The following CDH13 variants were observed in gnomAD, a reference collection of about 807,000 sequenced individuals.
CDH13 encodes the protein cadherin 13.
CDH13 carries 24 observed loss-of-function variants against 63.8 expected under a neutral mutation model. The observed-to-expected ratio is 0.38, with a 90% CI of 0.27 to 0.53. The LOEUF (loss-of-function observed/expected upper bound fraction) is 0.53, where lower values mean the gene tolerates loss of function less well. Among genes scored for constraint, CDH13 ranks in the 20% least tolerant of loss-of-function variants. The pLI is 0.85. For synonymous variants in CDH13, 503 were observed against 355.3 expected (o/e 1.42, Z -4.67); for missense variants, 1,049 against 903.1 (o/e 1.16, Z -2.07).
At chr16:82,751,293 C>A (rs890161727) in intron 1 of CDH13, among the ~76,000 whole-genome samples, 2 of 152,144 alleles carry the variant, frequency 1.3e-5, no homozygotes, top group Non-Finnish European at 2.9e-5. Context: ...GTCATCACTA[C>A]CCTGAAATTC....
At chr16:83,239,269 A>G (rs993804039) in intron 5 of CDH13, among the ~76,000 whole-genome samples, 3 of 152,200 alleles carry the variant, frequency 2.0e-5, no homozygotes, top group African/African-American at 7.2e-5. Flanking sequence ...AGTTGGAAAT[A>G]AAAAAGATGA....
intron 2 of CDH13, among the ~76,000 whole-genome samples, chr16:83,018,201 G>A (rs536760270): frequency 6.6e-6 from 1 of 152,232 alleles, no homozygotes; most frequent in East Asian, 1.9e-4. Flanking sequence ...TAAAATGGTT[G>A]AAATATCGGA....
At chr16:83,434,773 G>T (rs2072234689) in intron 6 of CDH13, among the ~76,000 whole-genome samples, 1 of 150,592 alleles carries the variant, frequency 6.6e-6, no homozygotes, top group South Asian at 2.1e-4. Flanking sequence ...CCAAGGATAT[G>T]CCCCAATTTC....
intron 1 of CDH13, among the ~76,000 whole-genome samples, chr16:82,699,324 G>C (rs996259124): frequency 6.6e-6 from 1 of 152,146 alleles, no homozygotes; most frequent in African/African-American, 2.4e-5. Context: ...AAGCTTCCAG[G>C]AGGACCACCG....
chr16:82,666,633 C>A (rs531965021), intron 1 of CDH13, among the ~76,000 whole-genome samples: 1 of 152,162 alleles, frequency 6.6e-6, no homozygotes, highest in African/African-American at 2.4e-5. Flanking sequence ...ATAACCTAGT[C>A]GTAGGTTAAC....
chr16:83,487,831 C>T (rs532197155), intron 7 of CDH13, among the ~76,000 whole-genome samples: 15 of 152,244 alleles, frequency 9.9e-5, no homozygotes, highest in African/African-American at 2.9e-4. Flanking sequence ...AGTGTTGTTT[C>T]CTCTGCTTTC....
chr16:83,137,926 C>T (rs770492852), intron 4 of CDH13, among the ~76,000 whole-genome samples: 5 of 151,410 alleles, frequency 3.3e-5, no homozygotes, highest in Non-Finnish European at 5.9e-5. Flanking sequence ...TTTTCTTTTC[C>T]GGCTTGGAGC....
At chr16:83,040,486 A>T (rs570150474) in intron 3 of CDH13, among the ~76,000 whole-genome samples, 1 of 152,292 alleles carries the variant, frequency 6.6e-6, no homozygotes, top group South Asian at 2.1e-4. Context: ...TGTAAGTCCA[A>T]CAGTCCAAAA....
At chr16:83,645,550 C>G (rs1429705482) in intron 8 of CDH13, among the ~76,000 whole-genome samples, 1 of 148,048 alleles carries the variant, frequency 6.8e-6, no homozygotes, top group Non-Finnish European at 1.5e-5. Flanking sequence ...CCCCCCCAAT[C>G]TAAAATAAAA....
At chr16:82,976,655 T>G (rs1597340784) in intron 2 of CDH13, among the ~76,000 whole-genome samples, 1 of 151,960 alleles carries the variant, frequency 6.6e-6, no homozygotes. Context: ...GTGCAAATGG[T>G]GGAGAATGTA....
intron 3 of CDH13, among the ~76,000 whole-genome samples, chr16:83,089,334 C>T (rs2033778905): frequency 6.6e-6 from 1 of 152,206 alleles, no homozygotes; most frequent in African/African-American, 2.4e-5. Flanking sequence ...TAATTGATGT[C>T]ATGGCCATAT....
chr16:82,782,875 T>C (rs929058423), intron 1 of CDH13, among the ~76,000 whole-genome samples: 1 of 152,124 alleles, frequency 6.6e-6, no homozygotes, highest in African/African-American at 2.4e-5. Flanking sequence ...GCGAGGTCTT[T>C]ATGACTTTCC....
At chr16:83,065,572 G>C (rs1345833457) in intron 3 of CDH13, among the ~76,000 whole-genome samples, 1 of 152,026 alleles carries the variant, frequency 6.6e-6, no homozygotes, top group East Asian at 1.9e-4. Context: ...AGGTGTGGTG[G>C]TGCACGCCTG....
At chr16:83,041,913 A>T (rs924784674) in intron 3 of CDH13, among the ~76,000 whole-genome samples, 1 of 152,200 alleles carries the variant, frequency 6.6e-6, no homozygotes, top group Non-Finnish European at 1.5e-5. Context: ...ATCACTGATC[A>T]ATTATTCTTA....
At chr16:83,112,533 C>G (rs2035107152) in intron 3 of CDH13, among the ~76,000 whole-genome samples, 1 of 151,968 alleles carries the variant, frequency 6.6e-6, no homozygotes, top group African/African-American at 2.4e-5. Context: ...AAGAAATAGC[C>G]AAAAAGGAGG....
At chr16:83,616,097 C>T (rs572038772) in intron 8 of CDH13, among the ~76,000 whole-genome samples, 12 of 152,158 alleles carry the variant, frequency 7.9e-5, no homozygotes, top group South Asian at 2.1e-4. Flanking sequence ...TAGAAGCCAT[C>T]ATCCAAGCAG....
At chr16:83,734,775 G>A (rs1239959726) in intron 10 of CDH13, among the ~76,000 whole-genome samples, 3 of 137,428 alleles carry the variant, frequency 2.2e-5, no homozygotes, top group East Asian at 3.9e-4. Context: ...TTAAAGCGGG[G>A]CAAGGAAGAG....
intron 1 of CDH13, among the ~76,000 whole-genome samples, chr16:82,731,266 C>A (rs1392803601): frequency 2.6e-5 from 4 of 152,126 alleles, no homozygotes; most frequent in African/African-American, 9.7e-5. Flanking sequence ...AACCCTGCAG[C>A]TGAAGAGTGG....
chr16:82,647,586 C>G (rs1910246862), intron 1 of CDH13, among the ~76,000 whole-genome samples: 1 of 151,992 alleles, frequency 6.6e-6, no homozygotes, highest in Admixed American at 6.5e-5. Flanking sequence ...AGCCATCCCA[C>G]CTGAGGGGCA....
Sources: gnomAD v4.1 joint callset for allele counts (sites outside exome capture counted in the v4.1 genomes callset) on GRCh38, gnomAD v4.1.1 for gene constraint, MANE v1.5 for transcripts, NCBI Gene and HGNC (gene_info 2026-07-23, HGNC 2026-07-21) for gene names.